The following SGCZ variants were observed in gnomAD, a reference collection of about 807,000 sequenced individuals.
The protein encoded by SGCZ is sarcoglycan zeta.
A neutral mutation model predicts 41.3 loss-of-function variants in SGCZ; 40 were observed. The ratio of observed to expected loss-of-function variants is 0.97; its 90% CI spans 0.75 to 1.26. The LOEUF (loss-of-function observed/expected upper bound fraction) is 1.26. SGCZ is among the 50% of genes most tolerant of loss of function. The pLI is 0.00. For missense variants in SGCZ, 552 were observed against 369.8 expected, an observed-to-expected ratio of 1.49 and a Z score of -4.04; for synonymous variants, 206 against 137.5, an observed-to-expected ratio of 1.50 and a Z score of -3.49.
intron 3 of SGCZ, chr8:14,309,299 T>G (rs1801448691): frequency 5.0e-6 from 8 of 1,586,420 alleles, no homozygotes; most frequent in Admixed American, 3.3e-5. Context: ...CTACTCACTT[T>G]TTAAGGATGG....
At chr8:14,545,415 T>C (rs201049754) in intron 2 of SGCZ, among the ~76,000 whole-genome samples, 35,969 of 94,640 alleles carry the variant, frequency 0.38, 4,342 homozygotes, top group Middle Eastern at 0.53. Flanking sequence ...AAATGCTTAC[T>C]TTTTTTTTTT....
intron 3 of SGCZ, among the ~76,000 whole-genome samples, chr8:14,243,311 CTAA>C (rs1798957577): frequency 6.6e-6 from 1 of 152,174 alleles, no homozygotes; most frequent in Admixed American, 6.6e-5. Flanking sequence ...CTCAGTTCCT[CTAA>C]TCTTCCTAAA....
chr8:14,427,054 GA>G, intron 2 of SGCZ, among the ~76,000 whole-genome samples: 1 of 142,946 alleles, frequency 7.0e-6, no homozygotes, highest in African/African-American at 2.5e-5. Flanking sequence ...ATGAATGAAT[GA>G]ATGAATGAAT....
At chr8:14,402,014 T>C (rs1356611850) in intron 2 of SGCZ, among the ~76,000 whole-genome samples, 2 of 152,166 alleles carry the variant, frequency 1.3e-5, no homozygotes, top group Non-Finnish European at 2.9e-5. Flanking sequence ...ATTGTGGTTT[T>C]GATTTGCATT....
chr8:14,529,410 C>G (rs79668567), intron 2 of SGCZ, among the ~76,000 whole-genome samples: 1 of 152,126 alleles, frequency 6.6e-6, no homozygotes, highest in African/African-American at 2.4e-5. Context: ...GCGTGATCAG[C>G]ATGAAAGCAA....
chr8:14,782,702 A>G (rs558218503), intron 1 of SGCZ, among the ~76,000 whole-genome samples: 1 of 140,862 alleles, frequency 7.1e-6, no homozygotes, highest in Admixed American at 6.9e-5. Flanking sequence ...TTATTAGCAG[A>G]TGCAATAACC....
chr8:14,214,909 C>T (rs1805942571), intron 4 of SGCZ, among the ~76,000 whole-genome samples: 1 of 152,076 alleles, frequency 6.6e-6, no homozygotes, highest in South Asian at 2.1e-4. Flanking sequence ...GATAAATCCA[C>T]AAATTATAGC....
intron 2 of SGCZ, among the ~76,000 whole-genome samples, chr8:14,350,632 C>A (rs1160684601): frequency 6.6e-6 from 1 of 152,014 alleles, no homozygotes; most frequent in Non-Finnish European, 1.5e-5. Context: ...CTCTGAAGGT[C>A]AATTACTGCT....
chr8:14,976,253 C>T (rs549664169), intron 1 of SGCZ, among the ~76,000 whole-genome samples: 1 of 151,872 alleles, frequency 6.6e-6, no homozygotes, highest in Non-Finnish European at 1.5e-5. Context: ...AAACTCCTGA[C>T]CTCAAGTGAT....
intron 5 of SGCZ, among the ~76,000 whole-genome samples, chr8:14,147,496 C>T (rs1480885419): frequency 1.3e-5 from 2 of 152,088 alleles, no homozygotes; most frequent in African/African-American, 2.4e-5. Context: ...ACAAAGGTAT[C>T]GATTCAGCAA....
At chr8:15,104,379 C>A (rs562667297) in intron 1 of SGCZ, among the ~76,000 whole-genome samples, 1 of 152,022 alleles carries the variant, frequency 6.6e-6, no homozygotes, top group Non-Finnish European at 1.5e-5. Flanking sequence ...CACACACTGG[C>A]ACATCAGACA....
chr8:14,859,995 G>C (rs1416928787), intron 1 of SGCZ, among the ~76,000 whole-genome samples: 1 of 152,076 alleles, frequency 6.6e-6, no homozygotes, highest in Admixed American at 6.6e-5. Flanking sequence ...TGCTAGGAAA[G>C]CAAAAGTAAA....
At chr8:14,589,573 T>C in intron 1 of SGCZ, among the ~76,000 whole-genome samples, 1 of 152,278 alleles carries the variant, frequency 6.6e-6, no homozygotes, top group Non-Finnish European at 1.5e-5. Flanking sequence ...TTGATCTCTT[T>C]AAACTTTAGA....
At chr8:15,142,741 A>G (rs1211122864) in intron 1 of SGCZ, among the ~76,000 whole-genome samples, 1 of 148,722 alleles carries the variant, frequency 6.7e-6, no homozygotes, top group Non-Finnish European at 1.5e-5. Context: ...CCTCCCGAGT[A>G]GCTGGGCCTA....
chr8:14,632,712 G>T (rs980271155), intron 1 of SGCZ, among the ~76,000 whole-genome samples: 12 of 152,036 alleles, frequency 7.9e-5, no homozygotes, highest in African/African-American at 2.9e-4. Context: ...CAGGAGATTA[G>T]TCCAAGTGAA....
rs117701007 is a variant in SGCZ at position 14,602,496 on chromosome 8, G to A, written c.40-47570C>T. ...ACCCAGGAGTTCAAGGCCAGCCTGG[G>A]CAACATAGTGAGATCCTCTCTCTAG... On this transcript the variant is annotated intron_variant, in intron 1 of 7. Transcript: ENST00000382080. 5.9e-3 allele frequency among the ~76,000 whole-genome samples: 898 copies of A among 152,130 alleles called. 3 individuals carry two copies. Among genetic ancestry groups the A allele is most frequent in the Non-Finnish European group, 9.6e-3 (651 of 68,002 alleles).
intron 1 of SGCZ, among the ~76,000 whole-genome samples, chr8:14,881,170 T>C (rs1410794157): frequency 2.0e-5 from 3 of 152,180 alleles, no homozygotes; most frequent in Non-Finnish European, 4.4e-5. Flanking sequence ...CTAATATTAT[T>C]AGTATGTACA....
At chr8:14,314,530 A>G (rs565350679) in intron 3 of SGCZ, among the ~76,000 whole-genome samples, 1 of 152,312 alleles carries the variant, frequency 6.6e-6, no homozygotes, top group South Asian at 2.1e-4. Flanking sequence ...GCCATATACA[A>G]GACAATATCT....
chr8:15,211,516 C>A (rs1009528318), intron 1 of SGCZ, among the ~76,000 whole-genome samples: 4 of 152,132 alleles, frequency 2.6e-5, no homozygotes, highest in Non-Finnish European at 4.4e-5. Flanking sequence ...GCCTCCAATG[C>A]AACAGTCAAA....
Sources: gnomAD v4.1 joint callset for allele counts (sites outside exome capture counted in the v4.1 genomes callset) on GRCh38, gnomAD v4.1.1 for gene constraint, MANE v1.5 for transcripts, NCBI Gene and HGNC (gene_info 2026-07-23, HGNC 2026-07-21) for gene names.